TSHZ3: variants seen among roughly 807,000 people sequenced by gnomAD.
TSHZ3 encodes the protein teashirt zinc finger homeobox 3.
A neutral mutation model predicts 64.5 loss-of-function variants in TSHZ3; 10 were observed. That is an observed-to-expected ratio of 0.16 (90% CI 0.10 to 0.26). The LOEUF is 0.26. Among genes scored for constraint, TSHZ3 ranks in the 10% least tolerant of loss-of-function variants. The pLI, the probability that TSHZ3 is intolerant of heterozygous loss-of-function variation, is 1.00. For synonymous variants in TSHZ3, 608 were observed against 593.1 expected (o/e 1.03, Z -0.36); for missense variants, 1,242 against 1,421.7 (o/e 0.87, Z 2.03).
At position 31,340,338 on chromosome 19, in the gene TSHZ3, C is replaced by CAAAAAAAAAAAAAA. The variant is rs1160334453; in HGVS notation, c.40+8828_40+8841dup. On this transcript the variant is annotated intron_variant, in intron 1 of 1. Transcript: ENST00000240587. ...ATTAATTAGCAACAGGCCTACAGTA[C>CAAAAAAAAAAAAAA]AAAAAAAAAAAAAAAAAAAAAAAAA... Among the ~76,000 whole-genome samples, 46 of 32,752 alleles carry CAAAAAAAAAAAAAA rather than the reference C, an allele frequency of 1.4e-3. 13 individuals carry two copies. Among genetic ancestry groups the CAAAAAAAAAAAAAA allele is most frequent in the East Asian group, 7.5e-3 (7 of 936 alleles). 21.5% of individuals were successfully genotyped at this position (32,752 alleles called of 152,430 possible). A position where few individuals can be genotyped will look rare whatever the true frequency, so the allele number is the denominator to read the frequency against.
At chr19:31,333,345 C>T (rs1359003763) in intron 1 of TSHZ3, among the ~76,000 whole-genome samples, 1 of 152,034 alleles carries the variant, frequency 6.6e-6, no homozygotes, top group African/African-American at 2.4e-5. Context: ...TGAAAATCAG[C>T]TCCATTCCCC....
At chr19:31,345,504 C>T (rs1917563299) in intron 1 of TSHZ3, among the ~76,000 whole-genome samples, 1 of 152,218 alleles carries the variant, frequency 6.6e-6, no homozygotes, top group Non-Finnish European at 1.5e-5. Context: ...GGGGGATCCA[C>T]AGTGTTCTGT....
chr19:31,343,774 G>GTT lies in TSHZ3; in HGVS notation c.40+5404_40+5405dup, dbSNP rs765231750. On this transcript the variant is annotated intron_variant, in intron 1 of 1. Coordinates refer to ENST00000240587, the MANE Select transcript of TSHZ3 (RefSeq NM_020856.4). ...TATGTCTCCAGTCCTTACAATTCAG[G>GTT]TTTTTTTTTTGTTTTTTTTTTAAAG... Among the ~76,000 whole-genome samples the GTT allele has an allele frequency of 3.8e-3, 554 of 146,912 alleles. 4 individuals carry two copies. Among genetic ancestry groups the GTT allele is most frequent in the Middle Eastern group, 0.014 (4 of 286 alleles).
chr19:31,194,569 A>G (rs1974958160), intron 5 of TSHZ3, among the ~76,000 whole-genome samples: 1 of 152,162 alleles, frequency 6.6e-6, no homozygotes, highest in Non-Finnish European at 1.5e-5. Context: ...CTGAGACCCA[A>G]TCACAGGTCT....
intron 1 of TSHZ3, among the ~76,000 whole-genome samples, chr19:31,262,492 T>C (rs1975992499): frequency 6.6e-6 from 1 of 152,238 alleles, no homozygotes; most frequent in African/African-American, 2.4e-5. Context: ...CGTTTTCATA[T>C]GTCTTTACTA....
chr19:31,214,233 A>G (rs1047173353), intron 4 of TSHZ3, among the ~76,000 whole-genome samples: 1 of 152,176 alleles, frequency 6.6e-6, no homozygotes, highest in Non-Finnish European at 1.5e-5. Context: ...GTCTTCCTGT[A>G]CAGGAACTGG....
intron 5 of TSHZ3, among the ~76,000 whole-genome samples, chr19:31,164,786 C>G (rs950651634): frequency 4.6e-5 from 7 of 152,224 alleles, no homozygotes; most frequent in African/African-American, 1.7e-4. Flanking sequence ...CCTTTCCCCC[C>G]TTTGTGGCTG....
intron 3 of TSHZ3, among the ~76,000 whole-genome samples, chr19:31,234,626 A>G (rs558750589): frequency 1.6e-4 from 25 of 152,328 alleles, no homozygotes; most frequent in African/African-American, 5.5e-4. Flanking sequence ...TGCTGCATCT[A>G]TCTACTGGGA....
intron 5 of TSHZ3, among the ~76,000 whole-genome samples, chr19:31,165,055 AG>A (rs1001127797): frequency 4.6e-5 from 7 of 152,196 alleles, no homozygotes; most frequent in African/African-American, 1.7e-4. Context: ...TGCTCTGTGC[AG>A]GGACAGAGGC....
chr19:31,160,334 G>A (rs975581593), intron 5 of TSHZ3, among the ~76,000 whole-genome samples: 2 of 152,134 alleles, frequency 1.3e-5, no homozygotes, highest in African/African-American at 4.8e-5. Flanking sequence ...GACACAACTG[G>A]CAAAAACAAC....
chr19:31,249,312 T>A (rs777066830), intron 1 of TSHZ3, among the ~76,000 whole-genome samples: 8 of 152,196 alleles, frequency 5.3e-5, no homozygotes, highest in Non-Finnish European at 8.8e-5. Context: ...ACCCAACGCT[T>A]GAAACGCATG....
intron 1 of TSHZ3, among the ~76,000 whole-genome samples, chr19:31,312,921 G>A (rs77410498): frequency 0.04 from 6,081 of 152,256 alleles, 444 homozygotes; most frequent in African/African-American, 0.14. Flanking sequence ...ATTTCACGGC[G>A]TTTATTTTTA....
At chr19:31,150,953 T>C (rs886390461) in exon 7 of TSHZ3, among the ~76,000 whole-genome samples, 7 of 152,084 alleles carry the variant, frequency 4.6e-5, no homozygotes, top group Non-Finnish European at 1.0e-4. Context: ...ACCTTCCATA[T>C]CTCTGCAACT....
At chr19:31,257,480 G>C (rs1490552119) in intron 1 of TSHZ3, among the ~76,000 whole-genome samples, 1 of 152,222 alleles carries the variant, frequency 6.6e-6, no homozygotes, top group Non-Finnish European at 1.5e-5. Flanking sequence ...CCAATCGAAG[G>C]ACACACCATC....
intron 3 of TSHZ3, among the ~76,000 whole-genome samples, chr19:31,235,987 C>T (rs1599598068): frequency 6.6e-6 from 1 of 152,062 alleles, no homozygotes; most frequent in African/African-American, 2.4e-5. Flanking sequence ...CAGGTGAGAG[C>T]TACCGTGCCC....
At chr19:31,228,323 C>T in intron 3 of TSHZ3, among the ~76,000 whole-genome samples, 1 of 151,964 alleles carries the variant, frequency 6.6e-6, no homozygotes, top group East Asian at 1.9e-4. Context: ...CCCAGGAGTT[C>T]AAGACCAGCT....
chr19:31,265,842 C>T (rs934978508), intron 1 of TSHZ3, among the ~76,000 whole-genome samples: 2 of 152,154 alleles, frequency 1.3e-5, no homozygotes, highest in Admixed American at 6.5e-5. Context: ...AGAGTCAGAG[C>T]GAGGTGGGGT....
chr19:31,319,395 T>TA (rs1400291318), intron 1 of TSHZ3, among the ~76,000 whole-genome samples: 2 of 152,254 alleles, frequency 1.3e-5, no homozygotes, highest in South Asian at 2.1e-4. Flanking sequence ...TAATTTTTTT[T>TA]AAAAAAAGCT....
intron 1 of TSHZ3, among the ~76,000 whole-genome samples, chr19:31,266,872 G>T (rs573629178): frequency 6.6e-6 from 1 of 152,156 alleles, no homozygotes; most frequent in Non-Finnish European, 1.5e-5. Context: ...TGTGGTTTCC[G>T]CCAAGGAGAG....
Sources: allele counts gnomAD v4.1 joint callset (sites outside exome capture counted in the v4.1 genomes callset), GRCh38; gene constraint gnomAD v4.1.1; transcripts MANE v1.5; gene names NCBI Gene and HGNC (gene_info 2026-07-23, HGNC 2026-07-21).